PHC2: variants seen among roughly 807,000 people sequenced by gnomAD.
PHC2 encodes the protein polyhomeotic homolog 2, also known as polyhomeotic-like protein 2.
A neutral mutation model predicts 87.4 loss-of-function variants in PHC2; 29 were observed. The observed-to-expected ratio is 0.33, with a 90% CI of 0.25 to 0.45. The LOEUF (loss-of-function observed/expected upper bound fraction) is 0.45. PHC2 is among the 20% of genes least tolerant of loss of function. PHC2 has a pLI of 1.00. For missense variants in PHC2, 857 were observed against 1,136.7 expected (o/e 0.75, Z 3.54); for synonymous variants, 438 against 461.7 (o/e 0.95, Z 0.66).
At chr1:33,357,799 G>A (rs1246024284) in intron 7 of PHC2, among the ~76,000 whole-genome samples, 1 of 152,200 alleles carries the variant, frequency 6.6e-6, no homozygotes, top group Non-Finnish European at 1.5e-5. Context: ...CAGCCAAAAT[G>A]ATCTGCAAAT....
rs764657247 is a variant in PHC2 at position 33,368,647 on chromosome 1, G to A, written c.577-25C>T. 21 of 1,516,154 alleles carry A rather than the reference G, an allele frequency of 1.4e-5. No individual in the cohort carries two copies. Among genetic ancestry groups the A allele is most frequent in the Non-Finnish European group, 1.6e-5 (18 of 1,114,982 alleles). 93.9% of individuals were successfully genotyped at this position (1,516,154 alleles called of 1,614,324 possible). On this transcript the variant is annotated intron_variant, in intron 5 of 14. Transcript: ENST00000683057. The surrounding 1 kb of genome is among the most constrained non-coding windows in gnomAD (Gnocchi z 6.6). Reference sequence around the variant, plus strand: ...GCTGAGGGGACAAAGGAACAGTGCCGCCTAGGCTCCTAGCTACCTGCACCA... The same window carrying A: ...GCTGAGGGGACAAAGGAACAGTGCCACCTAGGCTCCTAGCTACCTGCACCA...
Position 33,354,560 on chromosome 1 carries a change from G to C in PHC2, c.1399C>G (p.Gln467Glu), listed in dbSNP as rs754228118. 1.2e-6 allele frequency: 2 copies of C among 1,613,212 alleles called. No homozygotes were observed. Among genetic ancestry groups the C allele is most frequent in the African/African-American group, 1.3e-5 (1 of 75,038 alleles). ...QLQPASPVPQ[Q>E]CVPDDWKEVA... The stretch of plus-strand genomic sequence containing the variant: ...TCTTTCCAGTCATCAGGGACACACT[G>C]CTGGGGCTGTCAAAGGACAGGACAG... The change falls in exon 9 of 15, where the codon CAG becomes GAG. Residue 467 changes from glutamine to glutamate, a missense_variant. Transcript: ENST00000683057.
intron 1 of PHC2, among the ~76,000 whole-genome samples, chr1:33,420,560 C>T (rs1315741454): frequency 2.0e-5 from 3 of 152,172 alleles, no homozygotes; most frequent in Non-Finnish European, 4.4e-5. Flanking sequence ...AGTCAGTCCT[C>T]AGTTCAAAAT....
intron 12 of PHC2, among the ~76,000 whole-genome samples, chr1:33,330,473 G>C (rs1646466221): frequency 6.6e-6 from 1 of 152,198 alleles, no homozygotes; most frequent in Admixed American, 6.5e-5. Context: ...TCTGTAAAAT[G>C]TTTGAGACAC....
At chr1:33,399,749 G>A (rs1350320102) in intron 1 of PHC2, among the ~76,000 whole-genome samples, 4 of 152,130 alleles carry the variant, frequency 2.6e-5, no homozygotes, top group Non-Finnish European at 4.4e-5. Flanking sequence ...GGAAATAAAG[G>A]AATAGAAGTT....
At chr1:33,409,902 A>G (rs79721990) in intron 1 of PHC2, among the ~76,000 whole-genome samples, 1 of 152,382 alleles carries the variant, frequency 6.6e-6, no homozygotes, top group Non-Finnish European at 1.5e-5. Context: ...TAGGCATTAT[A>G]TTATCTCTCA....
intron 1 of PHC2, among the ~76,000 whole-genome samples, chr1:33,423,059 G>A (rs192925738): frequency 6.6e-6 from 1 of 152,100 alleles, no homozygotes; most frequent in East Asian, 1.9e-4. Flanking sequence ...GATGGAAGGC[G>A]GCTGGGAAGT....
chr1:33,365,244 G>A (rs756149799), intron 7 of PHC2, among the ~76,000 whole-genome samples: 10 of 152,176 alleles, frequency 6.6e-5, no homozygotes, highest in Non-Finnish European at 1.5e-4. Context: ...GAAGCGTGAT[G>A]CATACAATGC....
chr1:33,389,042 C>T (rs1316828359), intron 1 of PHC2, among the ~76,000 whole-genome samples: 3 of 142,038 alleles, frequency 2.1e-5, no homozygotes, highest in Non-Finnish European at 4.5e-5. Flanking sequence ...ATTCTCAAGT[C>T]CAAGAAATGT....
At position 33,332,198 on chromosome 1, in the gene PHC2, CAGAG is replaced by C. The variant is rs766021048; in HGVS notation, c.1891+73_1891+76del. On this transcript the variant is annotated intron_variant, in intron 11 of 14. Transcript: ENST00000683057. The surrounding 1 kb of genome is among the most constrained non-coding windows in gnomAD (Gnocchi z 4.2). ...CTGGCTCAGGGTTCCTCTGGGGAAA[CAGAG>C]AGAGGAAGTGTGTGAGGCCTGCCTT... 10 of 1,550,448 alleles carry C rather than the reference CAGAG, an allele frequency of 6.4e-6. No homozygotes were observed. Among genetic ancestry groups the C allele is most frequent in the African/African-American group, 2.7e-5 (2 of 73,520 alleles).
intron 1 of PHC2, among the ~76,000 whole-genome samples, chr1:33,412,533 T>A (rs1650025011): frequency 1.3e-5 from 2 of 152,220 alleles, no homozygotes; most frequent in African/African-American, 4.8e-5. Context: ...TCATTCTGTA[T>A]ATAGAAAGCA....
Position 33,368,653 on chromosome 1 carries a change from G to C in PHC2, c.577-31C>G, listed in dbSNP as rs1181298177. ...GGGACAAAGGAACAGTGCCGCCTAG[G>C]CTCCTAGCTACCTGCACCAGGTTAC... is the stretch of plus-strand genomic sequence containing the variant. On this transcript the variant is annotated intron_variant, in intron 5 of 14. Coordinates refer to ENST00000683057, the MANE Select transcript of PHC2 (RefSeq NM_001385109.1). This position sits in a 1 kb window ranked among gnomAD's most constrained non-coding sequence, Gnocchi z 6.6. The C allele has an allele frequency of 6.7e-6, 10 of 1,488,584 alleles. No individual in the cohort carries two copies. The highest frequency in any genetic ancestry group is 2.5e-5 in the East Asian group (1 of 40,598). The allele number at this position is 1,488,584 out of a possible 1,614,324, so 92.2% of individuals were successfully genotyped here.
intron 9 of PHC2, among the ~76,000 whole-genome samples, chr1:33,339,126 G>A (rs755304597): frequency 3.9e-5 from 6 of 152,162 alleles, no homozygotes; most frequent in African/African-American, 7.2e-5. Flanking sequence ...GACTGGTCAC[G>A]TCTCCTAAGC....
chr1:33,403,115 C>A (rs1285830596), intron 1 of PHC2, among the ~76,000 whole-genome samples: 1 of 143,316 alleles, frequency 7.0e-6, no homozygotes, highest in Non-Finnish European at 1.5e-5. Flanking sequence ...GCCACTGCGC[C>A]CGGCCCACTT....
chr1:33,423,123 G>A (rs1347651271), intron 1 of PHC2, among the ~76,000 whole-genome samples: 1 of 152,122 alleles, frequency 6.6e-6, no homozygotes, highest in Non-Finnish European at 1.5e-5. Context: ...TATGGCTCTA[G>A]TGTCCCTGCA....
chr1:33,391,843 G>A (rs1649067506), intron 1 of PHC2, among the ~76,000 whole-genome samples: 1 of 152,192 alleles, frequency 6.6e-6, no homozygotes, highest in Non-Finnish European at 1.5e-5. Context: ...TAATCTGGCA[G>A]ACAATGAATG....
chr1:33,402,591 T>C (rs1430874266), intron 1 of PHC2, among the ~76,000 whole-genome samples: 1 of 152,176 alleles, frequency 6.6e-6, no homozygotes, highest in Non-Finnish European at 1.5e-5. Context: ...TTATGGCATG[T>C]TAATTCAATG....
At chr1:33,416,584 G>GAAAAAA (rs61591207) in intron 1 of PHC2, among the ~76,000 whole-genome samples, 7 of 115,824 alleles carry the variant, frequency 6.0e-5, no homozygotes, top group South Asian at 2.8e-4. Flanking sequence ...TCAAAAAAAA[G>GAAAAAA]AAAAAAAAAA....
Position 33,372,406 on chromosome 1 carries a change from A to G in PHC2, c.216T>C (p.Ala72=). The G allele has an allele frequency of 6.2e-7, 1 of 1,604,858 alleles. No homozygotes were observed. The highest frequency in any genetic ancestry group is 8.5e-7 in the Non-Finnish European group (1 of 1,174,656). Residue 72 remains alanine (A), a synonymous_variant, in exon 3 of 15, where the codon GCT becomes GCC. Transcript: ENST00000683057. ...CGGCGTACATCTGCTGCAGGTACTGAGCGGCCGTGCTGGGCTGTCTGTGCA... is the reference window on the plus strand; with the variant it reads ...CGGCGTACATCTGCTGCAGGTACTGGGCGGCCGTGCTGGGCTGTCTGTGCA... ...QALHRQPSTA[A]QYLQQMYAAQ... is the part of the protein sequence containing the mutation.
Sources: allele counts gnomAD v4.1 joint callset (sites outside exome capture counted in the v4.1 genomes callset), GRCh38; gene constraint gnomAD v4.1.1; non-coding constraint Gnocchi (gnomAD v3.1); transcripts MANE v1.5; gene names NCBI Gene and HGNC (gene_info 2026-07-23, HGNC 2026-07-21).